The following CRPPA variants were observed in gnomAD, a reference collection of about 807,000 sequenced individuals.
The protein encoded by CRPPA is CDP-L-ribitol pyrophosphorylase A.
In CRPPA, 43 loss-of-function variants were observed where a neutral mutation model predicts 52.0. The ratio of observed to expected loss-of-function variants is 0.83; its 90% CI spans 0.65 to 1.07. CRPPA has a LOEUF of 1.07. Ranked by LOEUF, CRPPA falls within the 50% of genes least tolerant of loss-of-function variation. The pLI is 0.00. For missense variants in CRPPA, 629 were observed against 551.7 expected, an observed-to-expected ratio of 1.14 and a Z score of -1.40; for synonymous variants, 250 against 203.5, an observed-to-expected ratio of 1.23 and a Z score of -1.94.
intron 8 of CRPPA, among the ~76,000 whole-genome samples, chr7:16,242,713 T>G (rs1783153948): frequency 6.6e-6 from 1 of 152,200 alleles, no homozygotes. Context: ...ATTTTTCTTC[T>G]TAAGACATAA....
At chr7:16,316,868 A>C (rs1785155514) in intron 3 of CRPPA, among the ~76,000 whole-genome samples, 3 of 152,080 alleles carry the variant, frequency 2.0e-5, no homozygotes, top group Admixed American at 1.3e-4. Flanking sequence ...CTAATAGAAA[A>C]ATATTAAGTT....
At chr7:16,404,350 G>T (rs928263339) in intron 2 of CRPPA, among the ~76,000 whole-genome samples, 2 of 151,976 alleles carry the variant, frequency 1.3e-5, no homozygotes, top group Admixed American at 6.6e-5. Flanking sequence ...CAATCTAATA[G>T]GAACTCCCTC....
At chr7:16,417,003 C>A (rs1212450992) in intron 1 of CRPPA, among the ~76,000 whole-genome samples, 1 of 152,132 alleles carries the variant, frequency 6.6e-6, no homozygotes, top group Non-Finnish European at 1.5e-5. Flanking sequence ...ATGACATGAA[C>A]AAACACTTCT....
At chr7:16,278,073 T>C (rs779561460) in intron 6 of CRPPA, 56 bp downstream of exon 6, 14 of 842,542 alleles carry the variant, frequency 1.7e-5, no homozygotes, top group Non-Finnish European at 2.3e-5. Context: ...GATATCTTTA[T>C]ACTATAAAAG....
intron 3 of CRPPA, among the ~76,000 whole-genome samples, chr7:16,360,402 A>G (rs187815991): frequency 3.3e-5 from 5 of 152,286 alleles, no homozygotes; most frequent in Admixed American, 2.0e-4. Context: ...TATCACTCCA[A>G]ATAACCAAAG....
At chr7:16,334,758 T>C (rs1785637766) in intron 3 of CRPPA, among the ~76,000 whole-genome samples, 1 of 152,096 alleles carries the variant, frequency 6.6e-6, no homozygotes. Context: ...CCGAGCCCAA[T>C]TAGAGAAGCT....
At chr7:16,398,284 A>G (rs570389701) in intron 2 of CRPPA, among the ~76,000 whole-genome samples, 1 of 152,032 alleles carries the variant, frequency 6.6e-6, no homozygotes, top group Non-Finnish European at 1.5e-5. Context: ...GATTGACAAG[A>G]CAAACACGTG....
intron 3 of CRPPA, among the ~76,000 whole-genome samples, chr7:16,334,316 C>T (rs2128430972): frequency 6.6e-6 from 1 of 152,278 alleles, no homozygotes; most frequent in African/African-American, 2.4e-5. Flanking sequence ...GAGAAGTAAT[C>T]AAACTAAGCC....
At chr7:16,098,263 C>T (rs1309241258) in intron 9 of CRPPA, among the ~76,000 whole-genome samples, 1 of 152,160 alleles carries the variant, frequency 6.6e-6, no homozygotes, top group East Asian at 1.9e-4. Context: ...CTATACACAT[C>T]ACTTCTAAAG....
At chr7:16,109,603 G>A (rs893628005) in intron 9 of CRPPA, among the ~76,000 whole-genome samples, 1 of 151,756 alleles carries the variant, frequency 6.6e-6, no homozygotes, top group Non-Finnish European at 1.5e-5. Flanking sequence ...CTAGCAAACC[G>A]AACAACAAAT....
At chr7:16,385,910 C>T (rs561166091) in intron 2 of CRPPA, among the ~76,000 whole-genome samples, 1 of 152,272 alleles carries the variant, frequency 6.6e-6, no homozygotes, top group African/African-American at 2.4e-5. Flanking sequence ...TGGGCTCCAG[C>T]CGCACAGTAG....
intron 5 of CRPPA, among the ~76,000 whole-genome samples, chr7:16,282,428 T>C (rs974340461): frequency 6.6e-6 from 1 of 152,042 alleles, no homozygotes; most frequent in Non-Finnish European, 1.5e-5. Context: ...CACCACCCCA[T>C]TAAGTAGTTC....
intron 3 of CRPPA, among the ~76,000 whole-genome samples, chr7:16,336,224 A>T (rs1372438633): frequency 2.0e-5 from 3 of 152,198 alleles, no homozygotes; most frequent in African/African-American, 7.2e-5. Flanking sequence ...CTAATATTGT[A>T]AGGGTAATGT....
chr7:16,391,664 C>G (rs752901260), intron 2 of CRPPA, among the ~76,000 whole-genome samples: 2 of 152,120 alleles, frequency 1.3e-5, no homozygotes, highest in Non-Finnish European at 2.9e-5. Context: ...TGACTAGTAG[C>G]TTAGGTACTA....
intron 8 of CRPPA, among the ~76,000 whole-genome samples, chr7:16,243,659 T>C (rs73291497): frequency 0.019 from 2,855 of 152,260 alleles, 106 homozygotes; most frequent in African/African-American, 0.065. Context: ...ACCCTAAAAA[T>C]ATTTTAGAAA....
chr7:16,266,672 T>A (rs950191698), intron 6 of CRPPA, among the ~76,000 whole-genome samples: 1 of 152,036 alleles, frequency 6.6e-6, no homozygotes, highest in African/African-American at 2.4e-5. Context: ...AGAATGGGAC[T>A]TTCACCATAT....
chr7:16,319,906 T>C (rs1785221206), intron 3 of CRPPA, among the ~76,000 whole-genome samples: 1 of 152,144 alleles, frequency 6.6e-6, no homozygotes, highest in Non-Finnish European at 1.5e-5. Context: ...CAACCCTCCT[T>C]ATTTTGTCCC....
chr7:16,259,413 T>G (rs956718720), intron 6 of CRPPA, among the ~76,000 whole-genome samples: 5 of 151,942 alleles, frequency 3.3e-5, no homozygotes, highest in Admixed American at 1.3e-4. Flanking sequence ...GGGAATAGAC[T>G]TCACTAAACC....
intron 9 of CRPPA, among the ~76,000 whole-genome samples, chr7:16,144,659 G>A (rs899167223): frequency 4.6e-5 from 7 of 152,120 alleles, no homozygotes; most frequent in African/African-American, 1.7e-4. Context: ...TCTACTGGGT[G>A]GGGGGAGTCA....
Sources: allele counts gnomAD v4.1 joint callset (sites outside exome capture counted in the v4.1 genomes callset), GRCh38; gene constraint gnomAD v4.1.1; transcripts MANE v1.5; gene names NCBI Gene and HGNC (gene_info 2026-07-23, HGNC 2026-07-21).